The following ZNF253 variants were observed in gnomAD, a reference collection of about 807,000 sequenced individuals.
ZNF253 encodes the protein DNA-binding protein.
Under a neutral mutation model 11.9 loss-of-function variants are expected in ZNF253, and 8 were observed. The ratio of observed to expected loss-of-function variants is 0.67; its 90% CI spans 0.40 to 1.22. The LOEUF is 1.22. ZNF253 is among the 50% of genes most tolerant of loss of function. The pLI is 0.01. For missense variants in ZNF253, 485 were observed against 586.9 expected (o/e 0.83, Z 1.79); for synonymous variants, 194 against 194.9 (o/e 1.00, Z 0.04).
intron 1 of ZNF253, among the ~76,000 whole-genome samples, chr19:19,867,176 A>T (rs905950194): frequency 6.6e-6 from 1 of 152,144 alleles, no homozygotes; most frequent in African/African-American, 2.4e-5. Context: ...CCCCATCTCT[A>T]CTAAAAGTAC....
At chr19:19,865,837 A>T (rs2063107865), upstream of ZNF253, 1 of 943,102 alleles carries the variant, frequency 1.1e-6, no homozygotes, top group South Asian at 1.3e-5. Context: ...AGCGAACCAC[A>T]TGGTTTCTGG....
intron 3 of ZNF253, 87 bp from the exon 4 acceptor site, chr19:19,891,387 G>T: frequency 8.7e-7 from 1 of 1,148,908 alleles, no homozygotes; most frequent in South Asian, 1.7e-5. Context: ...TGCTTATGTA[G>T]TTTGTATAAT....
At chr19:19,883,424 G>A (rs962086431) in intron 3 of ZNF253, among the ~76,000 whole-genome samples, 1 of 151,998 alleles carries the variant, frequency 6.6e-6, no homozygotes, top group Non-Finnish European at 1.5e-5. Flanking sequence ...GCCGCCTGGG[G>A]AATATATGGA....
chr19:19,866,501 G>GTTTTT (rs34627033), intron 1 of ZNF253, among the ~76,000 whole-genome samples: 1 of 144,508 alleles, frequency 6.9e-6, no homozygotes, highest in Non-Finnish European at 1.5e-5. Flanking sequence ...AGGAAGGAAG[G>GTTTTT]TTTTTTTTTT....
chr19:19,875,112 A>G (rs1201858592), intron 1 of ZNF253, among the ~76,000 whole-genome samples: 1 of 152,184 alleles, frequency 6.6e-6, no homozygotes, highest in Non-Finnish European at 1.5e-5. Context: ...CTTGCCTCAC[A>G]GAACTGATCA....
intron 3 of ZNF253, among the ~76,000 whole-genome samples, chr19:19,885,444 T>A (rs1420842198): frequency 2.0e-5 from 3 of 150,254 alleles, no homozygotes; most frequent in South Asian, 2.1e-4. Context: ...AGGCTGGAGT[T>A]CAGTAGCGCA....
rs2063242809 is a variant in ZNF253 at position 19,893,498 on chromosome 19, CAT to C, written c.*752_*753del. 1 of 152,174 alleles carries C rather than the reference CAT, an allele frequency of 6.6e-6. No homozygotes were observed. The highest frequency in any genetic ancestry group is 1.5e-5 in the Non-Finnish European group (1 of 68,040). The allele number at this position is 152,174 out of a possible 1,614,324, so 9.4% of individuals were successfully genotyped here. A position where few individuals can be genotyped will look rare whatever the true frequency, so the allele number is the denominator to read the frequency against. ...ACAAAGCCTTTATATGATTGTCATA[CAT>C]GATTGTAGGTGATAGAAGTCATACT... On this transcript the variant is annotated 3_prime_UTR_variant, in exon 4 of 4. Transcript: ENST00000589717.
At position 19,892,717 on chromosome 19, in the gene ZNF253, T is replaced by A; in HGVS notation, c.1470T>A (p.Asn490Lys). The change falls in exon 4 of 4, where the codon AAT becomes AAA. Residue 490 changes from asparagine to lysine, a missense_variant. Transcript: ENST00000589717. Reference protein sequence around the residue: ...YIVKNVTDLLNVPPLLISIR With the variant: ...YIVKNVTDLLKVPPLLISIR Reference sequence around the variant, plus strand: ...TGAAGAATGTGACAGATCTTTTAAATGTTCCTCCACTTTTAATTAGCATAA... The same window carrying A: ...TGAAGAATGTGACAGATCTTTTAAAAGTTCCTCCACTTTTAATTAGCATAA... The A allele has an allele frequency of 6.3e-7, 1 of 1,597,570 alleles. No homozygotes were observed. Among genetic ancestry groups the A allele is most frequent in the East Asian group, 2.2e-5 (1 of 44,756 alleles).
chr19:19,869,660 CTTTT>C (rs35926309), intron 1 of ZNF253, among the ~76,000 whole-genome samples: 1 of 103,306 alleles, frequency 9.7e-6, no homozygotes, highest in Admixed American at 1.1e-4. Flanking sequence ...CATGCCTGGC[CTTTT>C]TTTTTTTTTT....
chr19:19,872,185 C>T (rs994239807), intron 1 of ZNF253, among the ~76,000 whole-genome samples: 11 of 152,066 alleles, frequency 7.2e-5, no homozygotes, highest in African/African-American at 2.7e-4. Flanking sequence ...GCTCACAGAC[C>T]GAATCAGAGT....
chr19:19,882,694 TG>T (rs1250152921), intron 3 of ZNF253, among the ~76,000 whole-genome samples: 1 of 152,100 alleles, frequency 6.6e-6, no homozygotes, highest in African/African-American at 2.4e-5. Flanking sequence ...GATAAATTGC[TG>T]GATGCGGTGG....
chr19:19,873,150 A>G (rs1204747391), intron 1 of ZNF253, among the ~76,000 whole-genome samples: 1 of 152,204 alleles, frequency 6.6e-6, no homozygotes, highest in Non-Finnish European at 1.5e-5. Flanking sequence ...CTAGGAAGAA[A>G]TAGAATCTGA....
intron 3 of ZNF253, among the ~76,000 whole-genome samples, chr19:19,881,268 A>G (rs973848661): frequency 1.3e-5 from 2 of 152,058 alleles, no homozygotes; most frequent in Non-Finnish European, 2.9e-5. Flanking sequence ...GCTATAGTAA[A>G]TAAGATTTTT....
At position 19,892,858 on chromosome 19, in the gene ZNF253, T is replaced by C. The variant is rs541273405; in HGVS notation, c.*111T>C. On this transcript the variant is annotated 3_prime_UTR_variant, in exon 4 of 4. Coordinates refer to ENST00000589717, the MANE Select transcript of ZNF253 (RefSeq NM_021047.3). Reference sequence around the variant, plus strand: ...ATATGGAACACAAACCCTACAAATATAAAGAATGTGACAAAGCTTTTTAAG... The same window carrying C: ...ATATGGAACACAAACCCTACAAATACAAAGAATGTGACAAAGCTTTTTAAG... 1.3e-4 allele frequency: 134 copies of C among 1,041,198 alleles called. No homozygotes were observed. Among genetic ancestry groups the C allele is most frequent in the South Asian group, 7.6e-4 (45 of 59,080 alleles). The allele number at this position is 1,041,198 out of a possible 1,614,324, so 64.5% of individuals were successfully genotyped here.
chr19:19,883,738 G>C (rs1568498011), intron 3 of ZNF253, among the ~76,000 whole-genome samples: 2 of 152,064 alleles, frequency 1.3e-5, no homozygotes, highest in Non-Finnish European at 2.9e-5. Context: ...TCAACTTTCT[G>C]TTTTATGATT....
At chr19:19,868,354 T>C (rs979807927) in intron 1 of ZNF253, among the ~76,000 whole-genome samples, 7 of 152,114 alleles carry the variant, frequency 4.6e-5, no homozygotes, top group Non-Finnish European at 1.0e-4. Context: ...TTAATTAATC[T>C]TGAGTTGATT....
At chr19:19,866,690 G>A (rs1265166315) in intron 1 of ZNF253, among the ~76,000 whole-genome samples, 2 of 152,014 alleles carry the variant, frequency 1.3e-5, no homozygotes, top group East Asian at 3.9e-4. Context: ...TAGACATGCC[G>A]TTTCACCATG....
intron 1 of ZNF253, among the ~76,000 whole-genome samples, chr19:19,868,184 G>A (rs2063119222): frequency 6.6e-6 from 1 of 151,962 alleles, no homozygotes; most frequent in Non-Finnish European, 1.5e-5. Flanking sequence ...CTGTGAAGAA[G>A]CTCTTTAGTT....
intron 3 of ZNF253, among the ~76,000 whole-genome samples, chr19:19,885,285 T>C (rs866516154): frequency 2.4e-5 from 1 of 41,380 alleles, no homozygotes; most frequent in African/African-American, 3.2e-4. Flanking sequence ...CTTTCTTTCT[T>C]TCTTTCTCTT....
Sources: allele counts gnomAD v4.1 joint callset (sites outside exome capture counted in the v4.1 genomes callset), GRCh38; gene constraint gnomAD v4.1.1; transcripts MANE v1.5; gene names NCBI Gene and HGNC (gene_info 2026-07-23, HGNC 2026-07-21).